Variants in STXBP6 observed in about 807,000 individuals in gnomAD.
STXBP6 encodes the protein syntaxin-binding protein 6.
A neutral mutation model predicts 26.9 loss-of-function variants in STXBP6; 21 were observed. The observed-to-expected ratio is 0.78, with a 90% CI of 0.55 to 1.12. STXBP6 has a LOEUF of 1.12. STXBP6 is among the 50% of genes most tolerant of loss of function. STXBP6 has a pLI of 0.00. For synonymous variants in STXBP6, 97 were observed against 92.6 expected, an observed-to-expected ratio of 1.05 and a Z score of -0.27; for missense variants, 232 against 257.9, an observed-to-expected ratio of 0.90 and a Z score of 0.69.
chr14:24,990,546 T>A (rs1386768584), intron 1 of STXBP6, among the ~76,000 whole-genome samples: 1 of 150,420 alleles, frequency 6.6e-6, no homozygotes, highest in African/African-American at 2.5e-5. Flanking sequence ...TAATCCCAGC[T>A]ACTCAGGAGG....
chr14:24,960,393 G>A (rs1056560049), intron 2 of STXBP6, among the ~76,000 whole-genome samples: 2 of 151,928 alleles, frequency 1.3e-5, no homozygotes, highest in Admixed American at 6.6e-5. Context: ...ATTTATGACT[G>A]TTAACCCCCA....
intron 2 of STXBP6, among the ~76,000 whole-genome samples, chr14:24,962,744 C>T (rs2073591451): frequency 6.6e-6 from 1 of 151,992 alleles, no homozygotes; most frequent in African/African-American, 2.4e-5. Flanking sequence ...CAGAGAAGAA[C>T]GATTCCAGTC....
At chr14:25,001,442 T>C (rs1167084341) in intron 1 of STXBP6, among the ~76,000 whole-genome samples, 2 of 152,216 alleles carry the variant, frequency 1.3e-5, no homozygotes, top group Non-Finnish European at 2.9e-5. Flanking sequence ...ATGACTCTTT[T>C]GGGTCCCTAG....
intron 2 of STXBP6, among the ~76,000 whole-genome samples, chr14:24,859,372 T>C (rs1036939132): frequency 1.3e-5 from 2 of 152,168 alleles, no homozygotes; most frequent in African/African-American, 4.8e-5. Context: ...TCCAGCATCC[T>C]AGTTTCTATT....
chr14:25,017,627 G>T (rs895454346), intron 1 of STXBP6, among the ~76,000 whole-genome samples: 2 of 152,220 alleles, frequency 1.3e-5, no homozygotes, highest in Non-Finnish European at 2.9e-5. Context: ...ATTTGATTAA[G>T]GGTGGCCTTG....
At chr14:24,876,384 A>G (rs2070145582) in intron 2 of STXBP6, among the ~76,000 whole-genome samples, 3 of 152,172 alleles carry the variant, frequency 2.0e-5, no homozygotes, top group South Asian at 4.1e-4. Context: ...CAGAACTCCA[A>G]ACTTCCTCAT....
intron 2 of STXBP6, among the ~76,000 whole-genome samples, chr14:24,914,700 C>CT (rs2071697770): frequency 6.6e-6 from 1 of 152,234 alleles, no homozygotes; most frequent in Admixed American, 6.5e-5. Context: ...TGAAGACTTC[C>CT]TTTTTTTAAC....
intron 1 of STXBP6, among the ~76,000 whole-genome samples, chr14:25,025,751 C>A (rs532333982): frequency 6.6e-6 from 1 of 152,268 alleles, no homozygotes; most frequent in East Asian, 1.9e-4. Flanking sequence ...ATAAAAATGT[C>A]CTGTTTCTCA....
intron 2 of STXBP6, among the ~76,000 whole-genome samples, chr14:24,937,552 T>C (rs923240668): frequency 6.6e-6 from 1 of 152,246 alleles, no homozygotes; most frequent in East Asian, 1.9e-4. Context: ...GACTGCCACC[T>C]GGCTAGCCAT....
At chr14:24,921,494 A>G (rs769727336) in intron 2 of STXBP6, among the ~76,000 whole-genome samples, 4 of 152,184 alleles carry the variant, frequency 2.6e-5, no homozygotes, top group Non-Finnish European at 5.9e-5. Context: ...TTTTCTGGAT[A>G]TCAAGAGATG....
intron 2 of STXBP6, among the ~76,000 whole-genome samples, chr14:24,861,475 G>C (rs951396225): frequency 6.6e-6 from 1 of 152,116 alleles, no homozygotes; most frequent in African/African-American, 2.4e-5. Context: ...ACGTGGCCAA[G>C]GTGAGAAATA....
At chr14:24,877,506 C>T (rs1357076652) in intron 2 of STXBP6, among the ~76,000 whole-genome samples, 1 of 152,018 alleles carries the variant, frequency 6.6e-6, no homozygotes, top group African/African-American at 2.4e-5. Context: ...ATATTATATA[C>T]ATATTCTTTC....
chr14:24,919,524 C>A (rs934187145), intron 2 of STXBP6, among the ~76,000 whole-genome samples: 1 of 149,478 alleles, frequency 6.7e-6, no homozygotes, highest in Non-Finnish European at 1.5e-5. Context: ...AGATTCAATA[C>A]GCACTTTTTT....
intron 2 of STXBP6, among the ~76,000 whole-genome samples, chr14:24,933,420 T>A (rs1013646355): frequency 6.6e-6 from 1 of 152,066 alleles, no homozygotes; most frequent in African/African-American, 2.4e-5. Flanking sequence ...GTAGAAGATT[T>A]AGGAACTGAA....
chr14:25,018,382 G>A (rs529710005), intron 1 of STXBP6, among the ~76,000 whole-genome samples: 1 of 152,146 alleles, frequency 6.6e-6, no homozygotes, highest in South Asian at 2.1e-4. Flanking sequence ...AAACCCTCCC[G>A]GTTTTACAAA....
At chr14:24,827,822 G>A (rs373269937) in intron 4 of STXBP6, among the ~76,000 whole-genome samples, 54 of 152,110 alleles carry the variant, frequency 3.6e-4, no homozygotes, top group Non-Finnish European at 6.8e-4. Flanking sequence ...CAGGCTATTC[G>A]CTTGCCACCT....
intron 1 of STXBP6, among the ~76,000 whole-genome samples, chr14:24,995,981 T>C (rs1809765107): frequency 6.6e-6 from 1 of 152,144 alleles, no homozygotes; most frequent in South Asian, 2.1e-4. Context: ...GTGCATCAAT[T>C]AGGTAAAAAT....
intron 1 of STXBP6, among the ~76,000 whole-genome samples, chr14:25,032,368 C>T (rs2075474530): frequency 6.6e-6 from 1 of 152,204 alleles, no homozygotes; most frequent in Non-Finnish European, 1.5e-5. Flanking sequence ...GGGGTTGTGA[C>T]TTGAGCACCC....
intron 2 of STXBP6, among the ~76,000 whole-genome samples, chr14:24,907,114 G>C (rs1384938665): frequency 6.6e-6 from 1 of 152,086 alleles, no homozygotes; most frequent in African/African-American, 2.4e-5. Flanking sequence ...ACAATAGGGT[G>C]ACTATAGATG....
Sources: allele counts gnomAD v4.1 joint callset (sites outside exome capture counted in the v4.1 genomes callset), GRCh38; gene constraint gnomAD v4.1.1; transcripts MANE v1.5; gene names NCBI Gene and HGNC (gene_info 2026-07-23, HGNC 2026-07-21).